C3orf20: variants seen among roughly 807,000 people sequenced by gnomAD.
C3orf20 encodes the protein family with sequence similarity 149 member C, also known as uncharacterized protein C3orf20.
Under a neutral mutation model 88.3 loss-of-function variants are expected in C3orf20, and 76 were observed. The ratio of observed to expected loss-of-function variants is 0.86; its 90% CI spans 0.72 to 1.04. The LOEUF is 1.04. Among genes scored for constraint, C3orf20 ranks in the 50% least tolerant of loss-of-function variants. The pLI is 0.00. For missense variants in C3orf20, 1,056 were observed against 1,123.3 expected, an observed-to-expected ratio of 0.94 and a Z score of 0.86; for synonymous variants, 436 against 437.4, an observed-to-expected ratio of 1.00 and a Z score of 0.04.
chr3:14,693,578 A>G (rs564020520), intron 5 of C3orf20, among the ~76,000 whole-genome samples: 1 of 152,236 alleles, frequency 6.6e-6, no homozygotes, highest in East Asian at 1.9e-4. Flanking sequence ...TATCAGTTCT[A>G]ATAATTTTTT....
intron 15 of C3orf20, among the ~76,000 whole-genome samples, chr3:14,769,763 C>G (rs532663118): frequency 2.1e-4 from 32 of 152,160 alleles, no homozygotes; most frequent in African/African-American, 7.5e-4. Flanking sequence ...GGTAGGGGCA[C>G]TGGATGGAAG....
At chr3:14,707,167 T>A (rs964846950) in intron 7 of C3orf20, among the ~76,000 whole-genome samples, 4 of 140,790 alleles carry the variant, frequency 2.8e-5, no homozygotes, top group African/African-American at 5.4e-5. Flanking sequence ...GAGAATGGCA[T>A]GAACCCAGGA....
chr3:14,760,931 T>C (rs1478628564), intron 14 of C3orf20, among the ~76,000 whole-genome samples: 1 of 152,254 alleles, frequency 6.6e-6, no homozygotes, highest in Admixed American at 6.5e-5. Context: ...GTTATTTGTA[T>C]TTTTTTGCCA....
rs1300759831 is a variant in C3orf20 at position 14,675,176 on chromosome 3, T to G, written c.-375T>G. On this transcript the variant is annotated 5_prime_UTR_variant, in exon 1 of 17. Transcript: ENST00000253697. Reference sequence around the variant, plus strand: ...CAACCTGGAGTAGCCCATGCCATACTGTGTCCTTTTAAGTCAGTAAATTGA... The same window carrying G: ...CAACCTGGAGTAGCCCATGCCATACGGTGTCCTTTTAAGTCAGTAAATTGA... 1 of 152,230 alleles carries G rather than the reference T, an allele frequency of 6.6e-6. No homozygotes were observed. The highest frequency in any genetic ancestry group is 1.5e-5 in the Non-Finnish European group (1 of 68,058). The allele number at this position is 152,230 out of a possible 1,614,324, so 9.4% of individuals were successfully genotyped here.
intron 12 of C3orf20, among the ~76,000 whole-genome samples, chr3:14,740,279 T>G (rs926466493): frequency 1.3e-4 from 20 of 152,164 alleles, no homozygotes; most frequent in African/African-American, 4.3e-4. Flanking sequence ...TTGTTATGCC[T>G]CAGGGAATAG....
At chr3:14,765,016 C>T (rs1463116373) in intron 15 of C3orf20, 3 of 152,236 alleles carry the variant, frequency 2.0e-5, no homozygotes, top group Non-Finnish European at 2.9e-5. Context: ...TAGTACAAGA[C>T]GTGCTGTTGG....
At chr3:14,716,673 C>T (rs926952079) in intron 9 of C3orf20, among the ~76,000 whole-genome samples, 2 of 152,196 alleles carry the variant, frequency 1.3e-5, no homozygotes, top group Non-Finnish European at 2.9e-5. Context: ...CCAGACTCCC[C>T]TCCTTTGTGG....
Position 14,715,337 on chromosome 3 carries a change from C to G in C3orf20, c.1362C>G (p.Asp454Glu), listed in dbSNP as rs1229686971. 2.5e-6 allele frequency: 4 copies of G among 1,612,604 alleles called. No individual in the cohort carries two copies. Among genetic ancestry groups the G allele is most frequent in the Non-Finnish European group, 3.4e-6 (4 of 1,179,850 alleles). Residue 454 changes from aspartate (D) to glutamate (E), a missense_variant, in exon 9 of 17, where the codon GAC becomes GAG. Coordinates refer to ENST00000253697, the MANE Select transcript of C3orf20 (RefSeq NM_032137.5). ...ILDEEGGTTN[D>E]QQGYVVHKWS... The stretch of plus-strand genomic sequence containing the variant: ...ATGAGGAAGGTGGGACCACCAATGA[C>G]CAGCAGGGCTATGTAGTCCACAAGT...
chr3:14,761,702 A>C, intron 15 of C3orf20, 87 bp downstream of exon 15: 1 of 768,550 alleles, frequency 1.3e-6, no homozygotes. Context: ...AGGGGAACTG[A>C]GGGGAGCAGG....
intron 12 of C3orf20, among the ~76,000 whole-genome samples, chr3:14,735,459 C>T (rs1255502834): frequency 6.6e-6 from 1 of 152,112 alleles, no homozygotes; most frequent in Non-Finnish European, 1.5e-5. Context: ...ATAATATACT[C>T]TAGCATTTTT....
At chr3:14,760,606 C>CTTTTTTTTTTT (rs33982218) in intron 14 of C3orf20, among the ~76,000 whole-genome samples, 1 of 97,806 alleles carries the variant, frequency 1.0e-5, no homozygotes, top group Non-Finnish European at 1.9e-5. Context: ...AGTCTGTCTT[C>CTTTTTTTTTTT]TTTTTTTTTT....
intron 4 of C3orf20, among the ~76,000 whole-genome samples, chr3:14,685,483 TGC>T (rs35033361): frequency 0.41 from 58,859 of 142,486 alleles, 12,285 homozygotes; most frequent in African/African-American, 0.46. Context: ...TCTCTCTCTG[TGC>T]GTGCGTGCGT....
In C3orf20 at chr3:14,728,714, G is replaced by T. The variant is rs188004422; in HGVS notation, c.1940+26G>T. 6 of 1,607,170 alleles carry T rather than the reference G, an allele frequency of 3.7e-6. No individual in the cohort carries two copies. The African/African-American group carries it at 5.4e-5, about 14-fold the overall frequency. ...GTTGGCTTGGTCCTTCACGTCTTCC[G>T]CAGCATCGGGTGTTGTGATGGGCAG... is the stretch of plus-strand genomic sequence containing the variant. On this transcript the variant is annotated intron_variant, in intron 12 of 16. Transcript: ENST00000253697.
intron 15 of C3orf20, 69 bp downstream of exon 15, chr3:14,761,684 G>T: frequency 6.4e-7 from 1 of 1,569,018 alleles, no homozygotes; most frequent in South Asian, 1.1e-5. Context: ...GGAGACTTGG[G>T]CTGTGAAAGG....
intron 12 of C3orf20, 61 bp from the exon 13 acceptor site, chr3:14,757,310 T>C (rs1292958572): frequency 1.4e-6 from 2 of 1,448,014 alleles, no homozygotes; most frequent in African/African-American, 2.8e-5. Flanking sequence ...CAGGGGGCTC[T>C]GGGAACCACA....
At chr3:14,765,957 G>A (rs2035690640) in intron 15 of C3orf20, among the ~76,000 whole-genome samples, 1 of 152,242 alleles carries the variant, frequency 6.6e-6, no homozygotes, top group East Asian at 1.9e-4. Flanking sequence ...CTGGCAGGTA[G>A]ATTGCCTTCT....
chr3:14,724,821 G>A (rs1324277634), intron 10 of C3orf20, among the ~76,000 whole-genome samples: 2 of 152,110 alleles, frequency 1.3e-5, no homozygotes, highest in African/African-American at 2.4e-5. Context: ...GATCATGCTG[G>A]GCTAGAAGGT....
intron 4 of C3orf20, among the ~76,000 whole-genome samples, chr3:14,686,929 A>G (rs2032460771): frequency 6.6e-6 from 1 of 152,198 alleles, no homozygotes; most frequent in South Asian, 2.1e-4. Context: ...ATACAGTGCA[A>G]ATAAATTGCA....
intron 15 of C3orf20, among the ~76,000 whole-genome samples, chr3:14,770,216 G>A (rs367849780): frequency 4.6e-5 from 7 of 152,224 alleles, no homozygotes; most frequent in East Asian, 3.9e-4. Context: ...TAAGAGAGGC[G>A]TTTAAAGGGT....
Sources: allele counts gnomAD v4.1 joint callset (sites outside exome capture counted in the v4.1 genomes callset), GRCh38; gene constraint gnomAD v4.1.1; transcripts MANE v1.5; gene names NCBI Gene and HGNC (gene_info 2026-07-23, HGNC 2026-07-21).